ENTHD1: variants seen among roughly 807,000 people sequenced by gnomAD.
The protein encoded by ENTHD1 is ENTH domain-containing protein 1.
In ENTHD1, 23 loss-of-function variants were observed where a neutral mutation model predicts 39.1. That is an observed-to-expected ratio of 0.59 (90% confidence interval 0.42 to 0.83). The LOEUF is 0.83. Among genes scored for constraint, ENTHD1 ranks in the 40% least tolerant of loss-of-function variants. The probability of loss-of-function intolerance (pLI) is 0.00; values close to 1 mark genes in which losing one functional copy is unlikely to be tolerated. For missense variants in ENTHD1, 624 were observed against 705.4 expected, an observed-to-expected ratio of 0.88 and a Z score of 1.31; for synonymous variants, 230 against 258.2, an observed-to-expected ratio of 0.89 and a Z score of 1.05.
intron 2 of ENTHD1, chr22:39,875,926 C>T (rs1266871089): frequency 6.2e-7 from 1 of 1,613,948 alleles, no homozygotes; most frequent in East Asian, 2.2e-5. Context: ...AATGGGTTAT[C>T]CTGATAGGTG....
intron 5 of ENTHD1, among the ~76,000 whole-genome samples, chr22:39,820,228 G>A (rs558088063): frequency 1.3e-5 from 2 of 152,160 alleles, no homozygotes; most frequent in South Asian, 4.1e-4. Flanking sequence ...AGGAGAAAAT[G>A]TGAGATGCAT....
intron 1 of ENTHD1, chr22:39,893,238 G>A (rs1891637483): frequency 6.6e-6 from 1 of 152,204 alleles, no homozygotes; most frequent in Admixed American, 6.5e-5. Context: ...ATAATCGCCA[G>A]ACAGGGCCGT....
intron 5 of ENTHD1, among the ~76,000 whole-genome samples, chr22:39,784,048 A>G (rs2065434100): frequency 2.0e-5 from 3 of 152,194 alleles, no homozygotes; most frequent in Non-Finnish European, 4.4e-5. Flanking sequence ...CAAACAACTC[A>G]TTAGCAAAAA....
intron 5 of ENTHD1, among the ~76,000 whole-genome samples, chr22:39,792,176 T>C (rs2065509720): frequency 6.6e-6 from 1 of 152,166 alleles, no homozygotes; most frequent in Admixed American, 6.5e-5. Flanking sequence ...TTTTCTATTG[T>C]GAATAGTGCT....
At chr22:39,857,551 T>C (rs1278714008) in intron 3 of ENTHD1, among the ~76,000 whole-genome samples, 2 of 151,698 alleles carry the variant, frequency 1.3e-5, no homozygotes, top group Non-Finnish European at 2.9e-5. Flanking sequence ...TCTGTATCAA[T>C]TTAGGGATTC....
At chr22:39,799,875 T>C (rs979794602) in intron 5 of ENTHD1, among the ~76,000 whole-genome samples, 1 of 152,142 alleles carries the variant, frequency 6.6e-6, no homozygotes, top group Admixed American at 6.5e-5. Context: ...TGCAACCTTC[T>C]GGGTAGTTGG....
chr22:39,833,571 AGAT>A (rs2065886478), intron 4 of ENTHD1, among the ~76,000 whole-genome samples: 1 of 152,120 alleles, frequency 6.6e-6, no homozygotes, highest in South Asian at 2.1e-4. Context: ...TAGAGAATAT[AGAT>A]GATATTTAAA....
At chr22:39,769,111 TAC>T (rs1218336318) in intron 5 of ENTHD1, among the ~76,000 whole-genome samples, 1 of 152,098 alleles carries the variant, frequency 6.6e-6, no homozygotes, top group African/African-American at 2.4e-5. Flanking sequence ...TGTACACATA[TAC>T]ACACCGGTGT....
intron 3 of ENTHD1, among the ~76,000 whole-genome samples, chr22:39,846,176 C>T (rs1426355370): frequency 2.0e-5 from 3 of 152,186 alleles, no homozygotes; most frequent in Admixed American, 2.0e-4. Flanking sequence ...AGACCTGAAT[C>T]TGTAAAACTA....
At chr22:39,802,002 C>A (rs1462433786) in intron 5 of ENTHD1, among the ~76,000 whole-genome samples, 1 of 151,990 alleles carries the variant, frequency 6.6e-6, no homozygotes, top group African/African-American at 2.4e-5. Flanking sequence ...TTAATATTCC[C>A]AGAAGAGTAA....
intron 6 of ENTHD1, among the ~76,000 whole-genome samples, chr22:39,747,756 A>C (rs1339321282): frequency 1.3e-5 from 2 of 152,202 alleles, no homozygotes; most frequent in Non-Finnish European, 2.9e-5. Context: ...ACTGGGATCA[A>C]CAGGTAGAAC....
chr22:39,813,460 T>G (rs2065709135), intron 5 of ENTHD1, among the ~76,000 whole-genome samples: 1 of 152,202 alleles, frequency 6.6e-6, no homozygotes, highest in South Asian at 2.1e-4. Flanking sequence ...TCAAGGTTAT[T>G]TTAATATCTG....
At chr22:39,848,625 T>C (rs528563392) in intron 3 of ENTHD1, among the ~76,000 whole-genome samples, 50 of 152,208 alleles carry the variant, frequency 3.3e-4, no homozygotes, top group Non-Finnish European at 5.0e-4. Context: ...CCTTAGAATA[T>C]AACAATCATG....
chr22:39,844,549 C>G (rs780553706), intron 3 of ENTHD1, among the ~76,000 whole-genome samples: 1 of 152,116 alleles, frequency 6.6e-6, no homozygotes, highest in African/African-American at 2.4e-5. Context: ...ATTCCCATCA[C>G]CCAGTACGCA....
rs543660880 is a variant in ENTHD1 at position 39,762,715 on chromosome 22, A to C, written c.1219+2508T>G. Reference sequence around the variant, plus strand: ...CATTCTCCCTGCCTTAGCCTCCCAAAGTGCTGGGATTACAGGCACAAGTCA... The same window carrying C: ...CATTCTCCCTGCCTTAGCCTCCCAACGTGCTGGGATTACAGGCACAAGTCA... On this transcript the variant is annotated intron_variant, in intron 6 of 6. Coordinates refer to ENST00000325157, the MANE Select transcript of ENTHD1 (RefSeq NM_152512.4). Among the ~76,000 whole-genome samples, 21 of 152,200 alleles carry C rather than the reference A, an allele frequency of 1.4e-4. No individual in the cohort carries two copies. In the South Asian group the frequency reaches 4.4e-3, roughly 32 times the overall value.
intron 5 of ENTHD1, among the ~76,000 whole-genome samples, chr22:39,784,116 A>T (rs1448552236): frequency 6.6e-6 from 1 of 152,096 alleles, no homozygotes; most frequent in Non-Finnish European, 1.5e-5. Flanking sequence ...AAGAAGACAG[A>T]CACATGGCCA....
chr22:39,816,720 G>T (rs1422309054), intron 5 of ENTHD1, among the ~76,000 whole-genome samples: 2 of 151,822 alleles, frequency 1.3e-5, no homozygotes, highest in African/African-American at 4.8e-5. Context: ...CTATTAACTT[G>T]GTATAAGAAA....
At chr22:39,840,274 T>C (rs2065933912) in intron 3 of ENTHD1, among the ~76,000 whole-genome samples, 1 of 152,210 alleles carries the variant, frequency 6.6e-6, no homozygotes, top group Admixed American at 6.5e-5. Flanking sequence ...CATTCAAAGA[T>C]GAGTGCTTCG....
rs142628610 is a variant in ENTHD1 at position 39,804,155 on chromosome 22, C to T, written c.832+16838G>A. ...CTCTAGCCTGAGTGACAAAGCAAAA[C>T]TCTGTCTCAAAAAAAAGAAAAGAAA... is the stretch of plus-strand genomic sequence containing the variant. On this transcript the variant is annotated intron_variant, in intron 5 of 6. Coordinates refer to ENST00000325157, the MANE Select transcript of ENTHD1 (RefSeq NM_152512.4). 1.8e-4 allele frequency among the ~76,000 whole-genome samples: 27 copies of T among 151,772 alleles called. No homozygotes were observed. In the East Asian group the frequency reaches 5.0e-3, roughly 28 times the overall value.
Sources: gnomAD v4.1 joint callset for allele counts (sites outside exome capture counted in the v4.1 genomes callset) on GRCh38, gnomAD v4.1.1 for gene constraint, MANE v1.5 for transcripts, NCBI Gene and HGNC (gene_info 2026-07-23, HGNC 2026-07-21) for gene names.